Variants in PTPRK observed in about 807,000 individuals in gnomAD.
The protein encoded by PTPRK is protein tyrosine phosphatase receptor type K.
Under a neutral mutation model 178.0 loss-of-function variants are expected in PTPRK, and 75 were observed. The ratio of observed to expected loss-of-function variants is 0.42; its 90% CI spans 0.35 to 0.51. The LOEUF (loss-of-function observed/expected upper bound fraction) is 0.51, where lower values mean the gene tolerates loss of function less well. PTPRK is among the 20% of genes least tolerant of loss of function. The pLI is 0.02. For synonymous variants in PTPRK, 637 were observed against 620.6 expected (o/e 1.03, Z -0.39); for missense variants, 1,441 against 1,797.8 (o/e 0.80, Z 3.59).
At chr6:128,298,394 C>T (rs55755078) in intron 3 of PTPRK, among the ~76,000 whole-genome samples, 6,130 of 151,222 alleles carry the variant, frequency 0.041, 199 homozygotes, top group Non-Finnish European at 0.062. Context: ...CCAGCATCAT[C>T]CTGATACCAA....
intron 3 of PTPRK, among the ~76,000 whole-genome samples, chr6:128,289,494 T>C (rs1363497135): frequency 3.3e-5 from 5 of 152,196 alleles, no homozygotes; most frequent in South Asian, 2.1e-4. Flanking sequence ...TCTTTAACAA[T>C]GTATTTGATT....
chr6:128,457,307 G>A (rs896876489), intron 1 of PTPRK, among the ~76,000 whole-genome samples: 1 of 152,014 alleles, frequency 6.6e-6, no homozygotes, highest in African/African-American at 2.4e-5. Flanking sequence ...TTATTCACTT[G>A]ATTATGTTTT....
chr6:128,210,673 G>A (rs556047897), intron 6 of PTPRK, among the ~76,000 whole-genome samples: 1 of 152,150 alleles, frequency 6.6e-6, no homozygotes, highest in South Asian at 2.1e-4. Flanking sequence ...TTCATTTAAG[G>A]TCACTTAGAA....
chr6:128,246,646 G>C (rs1020822910), intron 3 of PTPRK, among the ~76,000 whole-genome samples: 1 of 152,160 alleles, frequency 6.6e-6, no homozygotes, highest in Non-Finnish European at 1.5e-5. Context: ...GCTTAATTAC[G>C]CAAAGCGTGC....
In PTPRK at chr6:128,082,455, C is replaced by G. The variant is rs146941015; in HGVS notation, c.1759G>C (p.Val587Leu). 6.2e-7 allele frequency: 1 copy of G among 1,609,964 alleles called. No individual in the cohort carries two copies. The highest frequency in any genetic ancestry group is 8.5e-7 in the Non-Finnish European group (1 of 1,176,374). ...KGFGPATAIN[V>L]TTNISAPTLP... is the part of the protein sequence containing the mutation. ...TGCATACCTGAGATATTGGTGGTGA[C>G]ATTGATGGCTGTGGCTGGACCAAAG... Residue 587 changes from valine (V) to leucine (L), a missense_variant, in exon 10 of 30, where the codon GTC becomes CTC. Val to Leu is a conservative substitution (Grantham distance 32). Around this residue, in one of 4 missense-constraint regions of PTPRK, gnomAD observed 945 missense variants for 1,080.6 expected, o/e 0.87. Coordinates refer to ENST00000368226, the MANE Select transcript of PTPRK (RefSeq NM_002844.4).
intron 1 of PTPRK, among the ~76,000 whole-genome samples, chr6:128,420,968 C>T (rs984321273): frequency 1.3e-5 from 2 of 152,096 alleles, no homozygotes; most frequent in Non-Finnish European, 2.9e-5. Context: ...GTAAAATAGC[C>T]TACTTGATAT....
Position 127,969,001 on chromosome 6 carries a change from T to A in PTPRK, c.*1226A>T, listed in dbSNP as rs1222859916. On this transcript the variant is annotated 3_prime_UTR_variant, in exon 30 of 30. Coordinates refer to ENST00000368226, the MANE Select transcript of PTPRK (RefSeq NM_002844.4). ...CCCATGACAATGCGCAAAACAGGAA[T>A]CTGGCATTGATTTGTTCACACTTTT... 1 of 152,198 alleles carries A rather than the reference T, an allele frequency of 6.6e-6. No homozygotes were observed. Among genetic ancestry groups the A allele is most frequent in the Non-Finnish European group, 1.5e-5 (1 of 68,040 alleles). 9.4% of individuals were successfully genotyped at this position (152,198 alleles called of 1,614,324 possible). A position where few individuals can be genotyped will look rare whatever the true frequency, so the allele number is the denominator to read the frequency against.
chr6:128,256,337 T>C (rs997840001), intron 3 of PTPRK, among the ~76,000 whole-genome samples: 3 of 152,074 alleles, frequency 2.0e-5, no homozygotes, highest in African/African-American at 4.8e-5. Context: ...CCGCTAGGGA[T>C]ACGAAGATGG....
intron 7 of PTPRK, among the ~76,000 whole-genome samples, chr6:128,141,767 T>C (rs1795804186): frequency 6.6e-6 from 1 of 151,988 alleles, no homozygotes; most frequent in African/African-American, 2.4e-5. Context: ...CCATTTCCTC[T>C]TGGGCTTGGG....
At chr6:128,105,538 G>C (rs1387965556) in intron 7 of PTPRK, among the ~76,000 whole-genome samples, 3 of 152,092 alleles carry the variant, frequency 2.0e-5, no homozygotes, top group Non-Finnish European at 2.9e-5. Context: ...AAATCTAAAG[G>C]CTTTGAGCAT....
intron 1 of PTPRK, among the ~76,000 whole-genome samples, chr6:128,455,203 T>G (rs1848251607): frequency 6.6e-6 from 1 of 152,124 alleles, no homozygotes; most frequent in Non-Finnish European, 1.5e-5. Flanking sequence ...TGCCCACAAG[T>G]CATCTAAATT....
intron 7 of PTPRK, among the ~76,000 whole-genome samples, chr6:128,146,878 TACTC>T (rs1796579403): frequency 6.6e-6 from 1 of 152,220 alleles, no homozygotes; most frequent in South Asian, 2.1e-4. Context: ...CAGTGTATAA[TACTC>T]AACAATTTCA....
chr6:128,239,126 T>G (rs1159222691), intron 5 of PTPRK, among the ~76,000 whole-genome samples: 5 of 94,938 alleles, frequency 5.3e-5, no homozygotes, highest in Middle Eastern at 4.5e-3. Flanking sequence ...ACTCATCTTG[T>G]TTTTTTTTTT....
chr6:128,058,161 C>A (rs1000615606), intron 13 of PTPRK, among the ~76,000 whole-genome samples: 12 of 152,212 alleles, frequency 7.9e-5, no homozygotes, highest in South Asian at 6.2e-4. Context: ...TATTAACATA[C>A]ATATTTCTTT....
chr6:128,363,779 C>G (rs1313662095), intron 2 of PTPRK, among the ~76,000 whole-genome samples: 1 of 151,924 alleles, frequency 6.6e-6, no homozygotes, highest in African/African-American at 2.4e-5. Context: ...TTTTTTAAAC[C>G]CATCAAAAAG....
chr6:128,468,906 C>T (rs960688316), intron 1 of PTPRK, among the ~76,000 whole-genome samples: 1 of 123,250 alleles, frequency 8.1e-6, no homozygotes, highest in African/African-American at 3.2e-5. Context: ...TCAATATACA[C>T]ATTAAACACC....
At chr6:127,983,162 T>C in intron 23 of PTPRK, 80 bp downstream of exon 23, 3 of 1,365,280 alleles carry the variant, frequency 2.2e-6, no homozygotes, top group East Asian at 2.5e-5. Flanking sequence ...TTGAGTAGAG[T>C]ATATATGAGA....
chr6:128,333,093 G>A (rs571666528), intron 2 of PTPRK, among the ~76,000 whole-genome samples: 1 of 152,132 alleles, frequency 6.6e-6, no homozygotes, highest in Non-Finnish European at 1.5e-5. Context: ...GGCAATAAAG[G>A]CTTTGTCCTG....
chr6:128,259,802 A>G (rs2128292955), intron 3 of PTPRK, among the ~76,000 whole-genome samples: 1 of 152,326 alleles, frequency 6.6e-6, no homozygotes, highest in Admixed American at 6.5e-5. Flanking sequence ...TATAACTTAA[A>G]ACATTCTTTC....
Sources: gnomAD v4.1 joint callset for allele counts (sites outside exome capture counted in the v4.1 genomes callset) on GRCh38, gnomAD v4.1.1 for gene constraint, gnomAD v4.1.1 regional missense constraint, MANE v1.5 for transcripts, NCBI Gene and HGNC (gene_info 2026-07-23, HGNC 2026-07-21) for gene names.